ATPAF1: variants seen among roughly 807,000 people sequenced by gnomAD.
The protein encoded by ATPAF1 is ATP synthase mitochondrial F1 complex assembly factor 1.
ATPAF1 carries 26 observed loss-of-function variants against 43.9 expected under a neutral mutation model. The observed-to-expected ratio is 0.59, with a 90% CI of 0.43 to 0.82. The LOEUF is 0.82. ATPAF1 is among the 40% of genes least tolerant of loss of function. The pLI is 0.00. For synonymous variants in ATPAF1, 157 were observed against 168.0 expected (o/e 0.93, Z 0.50); for missense variants, 366 against 435.0 (o/e 0.84, Z 1.41).
chr1:46,668,279 G>T lies in ATPAF1; in HGVS notation c.44C>A (p.Ala15Glu). 2 of 1,383,648 alleles carry T rather than the reference G, an allele frequency of 1.4e-6. No individual in the cohort carries two copies. The highest frequency in any genetic ancestry group is 1.9e-6 in the Non-Finnish European group (2 of 1,064,024). 85.7% of individuals were successfully genotyped at this position (1,383,648 alleles called of 1,614,324 possible). A position where few individuals can be genotyped will look rare whatever the true frequency, so the allele number is the denominator to read the frequency against. ...GTAGAGACCGGCCACCTGCAGGACC[G>T]CCGGTCCCGCGCCACCCGCAGCCGC... Residue 15 changes from alanine (A) to glutamate (E), a missense_variant, in exon 1 of 9, where the codon GCG becomes GAG. This residue lies in a region of ATPAF1 where 186 missense variants were observed against 168.5 expected (regional missense o/e 1.10). Coordinates refer to ENST00000574428, the Ensembl canonical transcript of ATPAF1. The surrounding 1 kb of genome is among the most constrained non-coding windows in gnomAD (Gnocchi z 4.4).
In ATPAF1 at chr1:46,653,879, AG is replaced by A. The variant is rs771029568; in HGVS notation, c.490-13del. 2.1e-5 allele frequency: 34 copies of A among 1,609,704 alleles called. No homozygotes were observed. In the South Asian group the frequency reaches 3.6e-4, roughly 17 times the overall value. On this transcript the variant is annotated splice_polypyrimidine_tract_variant and intron_variant, in intron 4 of 8. Transcript: ENST00000574428. This position sits in a 1 kb window ranked among gnomAD's most constrained non-coding sequence, Gnocchi z 4.8. ...TATTGCTGCCAAATCTGTACAAAAA[AG>A]AGAGGGGTGTCTGTGACATGTGGGT...
intron 8 of ATPAF1, among the ~76,000 whole-genome samples, chr1:46,637,426 G>A (rs1675864538): frequency 6.6e-6 from 1 of 152,060 alleles, no homozygotes; most frequent in Non-Finnish European, 1.5e-5. Context: ...TAGAACACGG[G>A]CTACACTCTC....
At chr1:46,645,508 G>C (rs1413466585) in intron 6 of ATPAF1, among the ~76,000 whole-genome samples, 1 of 151,348 alleles carries the variant, frequency 6.6e-6, no homozygotes, top group African/African-American at 2.4e-5. Context: ...CTGCAGGTGT[G>C]CACCACTAAG....
chr1:46,637,755 C>T (rs570738189), intron 8 of ATPAF1, among the ~76,000 whole-genome samples: 2 of 152,296 alleles, frequency 1.3e-5, no homozygotes, highest in East Asian at 3.9e-4. Context: ...TCCCAAAAAG[C>T]TGGCTACTTC....
At chr1:46,658,812 C>T in intron 2 of ATPAF1, 75 bp from the exon 3 acceptor site, 5 of 955,488 alleles carry the variant, frequency 5.2e-6, no homozygotes, top group East Asian at 2.8e-5. Flanking sequence ...GGTGAAGTAC[C>T]CAATCTCATT....
intron 6 of ATPAF1, among the ~76,000 whole-genome samples, chr1:46,646,870 A>G (rs1676053556): frequency 6.6e-6 from 1 of 152,110 alleles, no homozygotes; most frequent in Non-Finnish European, 1.5e-5. Flanking sequence ...ACTGTCCCTA[A>G]GCAACCACTG....
At chr1:46,633,867 A>G (rs1260728825), downstream of ATPAF1, 1 of 455,908 alleles carries the variant, frequency 2.2e-6, no homozygotes, top group South Asian at 1.6e-5. Context: ...ACCAATAAAA[A>G]CAACCCCATC....
chr1:46,650,617 A>T (rs1200284007), intron 6 of ATPAF1, among the ~76,000 whole-genome samples: 1 of 152,164 alleles, frequency 6.6e-6, no homozygotes, highest in Non-Finnish European at 1.5e-5. Flanking sequence ...ATATGGAATC[A>T]ACCTAAGTGT....
chr1:46,636,104 C>A, intron 8 of ATPAF1, 134 bp from the exon 9 acceptor site: 1 of 962,122 alleles, frequency 1.0e-6, no homozygotes, highest in Non-Finnish European at 1.6e-6. Flanking sequence ...CTTGAAGTCC[C>A]TAGTCTTGGT....
intron 2 of ATPAF1, chr1:46,664,618 A>C (rs1336104317): frequency 6.6e-6 from 1 of 152,354 alleles, no homozygotes; most frequent in African/African-American, 2.4e-5. Flanking sequence ...TGTTTAAGCT[A>C]ATTCCTCAAC....
intron 5 of ATPAF1, 107 bp from the exon 6 acceptor site, chr1:46,652,735 A>T (rs1407564208): frequency 2.1e-6 from 2 of 939,676 alleles, no homozygotes; most frequent in Non-Finnish European, 3.3e-6. Flanking sequence ...ATACAACTAA[A>T]ACAGTCATTT....
chr1:46,647,765 A>G (rs576639538), intron 6 of ATPAF1, among the ~76,000 whole-genome samples: 28 of 152,354 alleles, frequency 1.8e-4, no homozygotes, highest in African/African-American at 6.0e-4. Flanking sequence ...ACCATTTTGC[A>G]ATATGACCGG....
intron 1 of ATPAF1, 150 bp from the exon 2 acceptor site, chr1:46,665,514 C>A: frequency 1.7e-6 from 2 of 1,184,204 alleles, no homozygotes; most frequent in Non-Finnish European, 2.4e-6. Flanking sequence ...TGGGCACAGG[C>A]CTAGAAATAA....
chr1:46,661,076 G>GTT (rs750804116), intron 2 of ATPAF1, among the ~76,000 whole-genome samples: 5 of 142,864 alleles, frequency 3.5e-5, no homozygotes, highest in Non-Finnish European at 6.2e-5. Context: ...GGTTTTGGAG[G>GTT]TTTTTTTTTT....
chr1:46,644,527 T>A (rs1240343956), intron 7 of ATPAF1, among the ~76,000 whole-genome samples: 1 of 151,852 alleles, frequency 6.6e-6, no homozygotes, highest in Non-Finnish European at 1.5e-5. Context: ...TATTTTGCAT[T>A]CTTTACCCCA....
chr1:46,646,744 A>G (rs961328307), intron 6 of ATPAF1, among the ~76,000 whole-genome samples: 2 of 152,210 alleles, frequency 1.3e-5, no homozygotes, highest in African/African-American at 2.4e-5. Flanking sequence ...AAAGTATACA[A>G]TTTGATGAGT....
chr1:46,652,440 T>G, intron 6 of ATPAF1, 141 bp downstream of exon 6: 1 of 773,588 alleles, frequency 1.3e-6, no homozygotes, highest in Non-Finnish European at 2.0e-6. Flanking sequence ...AACTTATTAG[T>G]ACAATCAACA....
chr1:46,645,139 A>G (rs953348801), intron 7 of ATPAF1, 22 bp downstream of exon 7: 3 of 1,590,206 alleles, frequency 1.9e-6, no homozygotes, highest in African/African-American at 1.3e-5. Context: ...TTTCCTCTAG[A>G]GGAAGGGCAC....
chr1:46,639,413 C>A (rs910208559), intron 8 of ATPAF1, among the ~76,000 whole-genome samples: 1 of 152,168 alleles, frequency 6.6e-6, no homozygotes, highest in African/African-American at 2.4e-5. Flanking sequence ...ATATTACTCC[C>A]TTTGGGCCAG....
Sources: allele counts gnomAD v4.1 joint callset (sites outside exome capture counted in the v4.1 genomes callset), GRCh38; gene constraint gnomAD v4.1.1; regional missense constraint gnomAD v4.1.1; non-coding constraint Gnocchi (gnomAD v3.1); transcripts MANE v1.5; gene names NCBI Gene and HGNC (gene_info 2026-07-23, HGNC 2026-07-21).